The following TRAK1 variants were observed in gnomAD, a reference collection of about 807,000 sequenced individuals.
The protein encoded by TRAK1 is trafficking kinesin protein 1, also known as trafficking kinesin-binding protein 1.
In TRAK1, 33 loss-of-function variants were observed where a neutral mutation model predicts 92.1. The ratio of observed to expected loss-of-function variants is 0.36; its 90% CI spans 0.27 to 0.48. The LOEUF is 0.48. Ranked by LOEUF, TRAK1 falls within the 20% of genes least tolerant of loss-of-function variation. TRAK1 has a pLI of 0.99. For missense variants in TRAK1, 1,123 were observed against 1,257.9 expected (o/e 0.89, Z 1.62); for synonymous variants, 521 against 517.3 (o/e 1.01, Z -0.10).
intron 1 of TRAK1, among the ~76,000 whole-genome samples, chr3:42,079,359 A>T (rs984663420): frequency 2.0e-5 from 3 of 152,058 alleles, no homozygotes; most frequent in African/African-American, 7.2e-5. Context: ...CTGGCTGGCC[A>T]TGGAGGGGAT....
At chr3:42,074,185 T>A (rs886530969) in intron 1 of TRAK1, among the ~76,000 whole-genome samples, 2 of 152,198 alleles carry the variant, frequency 1.3e-5, no homozygotes, top group Admixed American at 6.5e-5. Context: ...TCCTAGGCAA[T>A]GTTTAGTCTT....
intron 1 of TRAK1, among the ~76,000 whole-genome samples, chr3:42,056,838 T>C (rs1450420588): frequency 6.6e-6 from 1 of 152,250 alleles, no homozygotes; most frequent in East Asian, 1.9e-4. Flanking sequence ...TAATAGGCTA[T>C]TCTACATCCT....
rs1269602022 is a variant in TRAK1 at position 42,224,089 on chromosome 3, T to C, written c.*352T>C. ...ACTGAAACTCCCAAGTGTGTTCTTA[T>C]CCCATGGATAGGAAACCAGTGAATT... On this transcript the variant is annotated 3_prime_UTR_variant, in exon 16 of 16. Coordinates refer to ENST00000327628, the MANE Select transcript of TRAK1 (RefSeq NM_001042646.3). 4 of 476,940 alleles carry C rather than the reference T, an allele frequency of 8.4e-6. No individual in the cohort carries two copies. The highest frequency in any genetic ancestry group is 2.3e-5 in the Admixed American group (1 of 43,016). 29.5% of individuals were successfully genotyped at this position (476,940 alleles called of 1,614,324 possible).
intron 1 of TRAK1, among the ~76,000 whole-genome samples, chr3:42,032,794 G>A (rs572687999): frequency 1.3e-5 from 2 of 152,232 alleles, no homozygotes; most frequent in South Asian, 2.1e-4. Flanking sequence ...ATAGCGGTGC[G>A]TGCCTGTCGT....
At chr3:42,130,829 A>G (rs1304276182) in intron 2 of TRAK1, among the ~76,000 whole-genome samples, 3 of 152,096 alleles carry the variant, frequency 2.0e-5, no homozygotes, top group African/African-American at 7.2e-5. Flanking sequence ...TCCAACCATC[A>G]TTGTTCACAT....
At chr3:42,029,565 T>TC (rs1702041888) in intron 1 of TRAK1, among the ~76,000 whole-genome samples, 1 of 151,630 alleles carries the variant, frequency 6.6e-6, no homozygotes, top group African/African-American at 2.4e-5. Flanking sequence ...TTTTTTTTTT[T>TC]TTGAGACAGA....
At chr3:42,127,417 CAT>C (rs1340868629) in intron 2 of TRAK1, among the ~76,000 whole-genome samples, 8 of 150,048 alleles carry the variant, frequency 5.3e-5, no homozygotes, top group Non-Finnish European at 1.0e-4. Flanking sequence ...CAGTGGTGCA[CAT>C]ATGGCTTACT....
At chr3:42,125,338 G>A in intron 1 of TRAK1, 82 bp from the exon 2 acceptor site, 1 of 1,302,128 alleles carries the variant, frequency 7.7e-7, no homozygotes, top group Non-Finnish European at 1.1e-6. Context: ...GAAGATACCT[G>A]CCGCAGGCTA....
At chr3:42,207,878 G>A (rs921732603) in intron 13 of TRAK1, among the ~76,000 whole-genome samples, 6 of 152,228 alleles carry the variant, frequency 3.9e-5, no homozygotes, top group Admixed American at 2.6e-4. Flanking sequence ...CAGCCCTGCT[G>A]ACATTTGGGA....
intron 1 of TRAK1, among the ~76,000 whole-genome samples, chr3:42,098,569 A>C (rs564332561): frequency 6.6e-6 from 1 of 152,240 alleles, no homozygotes; most frequent in South Asian, 2.1e-4. Flanking sequence ...GGAGAGAGGG[A>C]GGGAGAAAGA....
intron 1 of TRAK1, among the ~76,000 whole-genome samples, chr3:42,025,460 T>A (rs529165709): frequency 1.3e-5 from 2 of 152,348 alleles, no homozygotes; most frequent in East Asian, 3.9e-4. Flanking sequence ...TTATTACTCT[T>A]TCAATGTCCA....
At chr3:42,060,076 A>G (rs1201267255) in intron 1 of TRAK1, among the ~76,000 whole-genome samples, 2 of 152,186 alleles carry the variant, frequency 1.3e-5, no homozygotes, top group Admixed American at 1.3e-4. Context: ...ATTCCAGAGA[A>G]CCATGTCAAT....
chr3:42,137,406 C>T (rs2133073), intron 2 of TRAK1, among the ~76,000 whole-genome samples: 74,050 of 152,034 alleles, frequency 0.49, 18,301 homozygotes, highest in South Asian at 0.61. Context: ...ATTTTTTTAT[C>T]CGATACCTGA....
intron 1 of TRAK1, among the ~76,000 whole-genome samples, chr3:42,067,607 T>TTC (rs1703731949): frequency 6.6e-6 from 1 of 152,024 alleles, no homozygotes; most frequent in African/African-American, 2.4e-5. Context: ...TTTTTTTTTT[T>TTC]CAGGCTTTGT....
At chr3:42,021,284 A>G (rs1460920711) in intron 1 of TRAK1, among the ~76,000 whole-genome samples, 1 of 152,200 alleles carries the variant, frequency 6.6e-6, no homozygotes, top group Admixed American at 6.5e-5. Flanking sequence ...TGAGCATTTC[A>G]TTTCAACCTT....
At chr3:42,200,723 G>C (rs1386958305) in intron 11 of TRAK1, 95 bp from the exon 12 acceptor site, 1 of 1,273,796 alleles carries the variant, frequency 7.9e-7, no homozygotes, top group Non-Finnish European at 1.1e-6. Context: ...TCATAGGCCA[G>C]GTGCCCTTTT....
At chr3:42,186,488 G>C (rs1284598694) in intron 4 of TRAK1, among the ~76,000 whole-genome samples, 1 of 152,206 alleles carries the variant, frequency 6.6e-6, no homozygotes, top group East Asian at 1.9e-4. Context: ...TGATAAGGGA[G>C]AATGCTGTTG....
exon 1 of TRAK1, chr3:42,014,019 G>T (rs1701410803): frequency 6.8e-6 from 1 of 146,708 alleles, no homozygotes; most frequent in Non-Finnish European, 1.5e-5. Flanking sequence ...AAGCCGCCGG[G>T]CGGCCGGGGC....
chr3:42,090,622 G>T (rs1180073597), upstream of TRAK1, among the ~76,000 whole-genome samples: 1 of 152,234 alleles, frequency 6.6e-6, no homozygotes, highest in African/African-American at 2.4e-5. Flanking sequence ...GATGGAGGTT[G>T]CAGTGAGCTG....
Sources: allele counts gnomAD v4.1 joint callset (sites outside exome capture counted in the v4.1 genomes callset), GRCh38; gene constraint gnomAD v4.1.1; transcripts MANE v1.5; gene names NCBI Gene and HGNC (gene_info 2026-07-23, HGNC 2026-07-21).